The following SARDH variants were observed in gnomAD, a reference collection of about 807,000 sequenced individuals.
SARDH encodes sarcosine dehydrogenase, mitochondrial.
SARDH carries 95 observed loss-of-function variants against 109.1 expected under a neutral mutation model. That is an observed-to-expected ratio of 0.87 (90% CI 0.74 to 1.03). SARDH has a LOEUF of 1.03. SARDH is among the 50% of genes least tolerant of loss of function. The pLI, the probability that SARDH is intolerant of heterozygous loss-of-function variation, is 0.00. For synonymous variants in SARDH, 572 were observed against 534.8 expected (o/e 1.07, Z -0.96); for missense variants, 1,267 against 1,287.8 (o/e 0.98, Z 0.25).
At chr9:133,659,568 T>A (rs1832384321), downstream of SARDH, among the ~76,000 whole-genome samples, 1 of 152,188 alleles carries the variant, frequency 6.6e-6, no homozygotes, top group Non-Finnish European at 1.5e-5. Flanking sequence ...GTTCAGCCAC[T>A]TCAGCAAAAC....
intron 17 of SARDH, among the ~76,000 whole-genome samples, chr9:133,674,590 G>A (rs762010913): frequency 2.0e-5 from 3 of 152,302 alleles, no homozygotes; most frequent in Non-Finnish European, 4.4e-5. Flanking sequence ...CAAATGAACC[G>A]TCACGTATGT....
chr9:133,736,078 C>T (rs569468197), intron 1 of SARDH, among the ~76,000 whole-genome samples: 6 of 151,760 alleles, frequency 4.0e-5, no homozygotes, highest in East Asian at 3.9e-4. Flanking sequence ...AGACATGTGA[C>T]GTATGAACAA....
At position 133,671,573 on chromosome 9, in the gene SARDH, G is replaced by A; in HGVS notation, c.2288C>T (p.Ala763Val). The A allele has an allele frequency of 6.2e-7, 1 of 1,608,858 alleles. No individual in the cohort carries two copies. The highest frequency in any genetic ancestry group is 8.5e-7 in the Non-Finnish European group (1 of 1,178,374). ...AAGAKHGLIN[A>V]GYRAIDSLSI... ...CAGGGAGTCGATGGCGCGGTACCCT[G>A]CGTTGATGAGGCCGTGCTTGGCACC... The change falls in exon 18 of 21, where the codon GCA becomes GTA. Residue 763 changes from alanine (A) to valine (V), a missense_variant. Coordinates refer to ENST00000439388, the MANE Select transcript of SARDH (RefSeq NM_001134707.2).
In SARDH at chr9:133,685,826, G is replaced by A. The variant is rs977168656; in HGVS notation, c.2070-540C>T. 4.6e-5 allele frequency among the ~76,000 whole-genome samples: 7 copies of A among 152,268 alleles called. No individual in the cohort carries two copies. The Middle Eastern group carries it at 0.017, about 370-fold the overall frequency. ...GCAGAGCCGGATTGGAGCAGATTCC[G>A]GCCTCCTCCCAGCCCACTGCAGAAA... On this transcript the variant is annotated intron_variant, in intron 16 of 20. Transcript: ENST00000439388.
intron 20 of SARDH, among the ~76,000 whole-genome samples, chr9:133,665,988 G>C (rs915673345): frequency 6.6e-6 from 1 of 152,180 alleles, no homozygotes; most frequent in African/African-American, 2.4e-5. Flanking sequence ...CCAGAAAGAT[G>C]GGAAAAGGAG....
At chr9:133,726,309 A>C (rs1832487423) in intron 6 of SARDH, among the ~76,000 whole-genome samples, 2 of 150,458 alleles carry the variant, frequency 1.3e-5, no homozygotes, top group South Asian at 4.2e-4. Flanking sequence ...TCAAGGCTGC[A>C]GTGAGCTATG....
chr9:133,694,222 C>T (rs1343159157), intron 15 of SARDH, 36 bp downstream of exon 15: 1 of 1,452,592 alleles, frequency 6.9e-7, no homozygotes, highest in Admixed American at 2.0e-5. Context: ...GAGCAGGCCG[C>T]AGTCACAGCG....
At chr9:133,701,221 CA>C (rs1831472749) in intron 13 of SARDH, among the ~76,000 whole-genome samples, 1 of 152,240 alleles carries the variant, frequency 6.6e-6, no homozygotes, top group African/African-American at 2.4e-5. Context: ...GCATTTACAT[CA>C]GGGAAATTGG....
At chr9:133,678,535 C>G (rs552993908) in intron 17 of SARDH, among the ~76,000 whole-genome samples, 4 of 152,342 alleles carry the variant, frequency 2.6e-5, no homozygotes, top group African/African-American at 9.6e-5. Context: ...AGGAGCTGGC[C>G]ATAAAGATGT....
chr9:133,681,514 C>T (rs1830694219), intron 17 of SARDH, among the ~76,000 whole-genome samples: 1 of 152,178 alleles, frequency 6.6e-6, no homozygotes, highest in African/African-American at 2.4e-5. Flanking sequence ...CCTTCCTGGG[C>T]CCCAACCTCA....
At chr9:133,681,305 C>T (rs1187107751) in intron 17 of SARDH, among the ~76,000 whole-genome samples, 1 of 152,206 alleles carries the variant, frequency 6.6e-6, no homozygotes, top group Non-Finnish European at 1.5e-5. Flanking sequence ...AGCCCCCCAA[C>T]ACGGGCCACA....
intron 17 of SARDH, among the ~76,000 whole-genome samples, chr9:133,684,426 T>G (rs945451379): frequency 3.3e-5 from 5 of 152,214 alleles, no homozygotes; most frequent in African/African-American, 1.2e-4. Context: ...CAGGAAGCCC[T>G]CGGCAAACAG....
At chr9:133,662,783 T>C (rs1483118496), downstream of SARDH, among the ~76,000 whole-genome samples, 1 of 152,140 alleles carries the variant, frequency 6.6e-6, no homozygotes, top group Non-Finnish European at 1.5e-5. The surrounding 1 kb of genome is among the most constrained non-coding windows in gnomAD (Gnocchi z 5.1). Context: ...CTCCCGCTCT[T>C]CCCAGATTGC....
intron 20 of SARDH, 109 bp from the exon 21 acceptor site, chr9:133,664,123 G>T (rs1829975117): frequency 7.0e-7 from 1 of 1,429,134 alleles, no homozygotes; most frequent in African/African-American, 1.4e-5. Context: ...TGCCCTGTGG[G>T]CAAACTCATC....
At chr9:133,678,145 G>A (rs753638757) in intron 17 of SARDH, among the ~76,000 whole-genome samples, 8 of 152,162 alleles carry the variant, frequency 5.3e-5, no homozygotes, top group East Asian at 3.9e-4. Context: ...GGCAAGTGTC[G>A]GTCAGTGGGC....
At chr9:133,680,386 G>C (rs992204950) in intron 17 of SARDH, among the ~76,000 whole-genome samples, 1 of 152,220 alleles carries the variant, frequency 6.6e-6, no homozygotes. Context: ...CCTACAGGGG[G>C]AGCTGGCCGT....
intron 17 of SARDH, among the ~76,000 whole-genome samples, chr9:133,677,393 C>G (rs950408426): frequency 5.3e-5 from 8 of 152,252 alleles, no homozygotes; most frequent in African/African-American, 1.9e-4. Flanking sequence ...ATCCTGGGCC[C>G]CTGACCTCAC....
chr9:133,671,622 C>T lies in SARDH; in HGVS notation c.2239G>A (p.Val747Met), dbSNP rs1429877344. Residue 747 changes from valine (V) to methionine (M), a missense_variant, in exon 18 of 21, where the codon GTG becomes ATG. Transcript: ENST00000439388. ...LHIPKASCVP[V>M]YRAVMAAGAK... ...CCCGCGGCCATCACAGCCCGGTACA[C>T]AGGCACGCAGGACGCCTTTGGAATG... The T allele has an allele frequency of 6.2e-7, 1 of 1,601,414 alleles. No individual in the cohort carries two copies. Among genetic ancestry groups the T allele is most frequent in the African/African-American group, 1.3e-5 (1 of 74,688 alleles).
chr9:133,685,259 G>A lies in SARDH; in HGVS notation c.2097C>T (p.Asp699=), dbSNP rs139740832. Residue 699 remains aspartate (D), a synonymous_variant, in exon 17 of 21, where the codon GAC becomes GAT. Coordinates refer to ENST00000439388, the MANE Select transcript of SARDH (RefSeq NM_001134707.2). ...GGAAGGCCTCGTTGCTCAGGTCTGCGTCCAGCACCTCCTGCAAAATGGCTC... is the reference window on the plus strand; with the variant it reads ...GGAAGGCCTCGTTGCTCAGGTCTGCATCCAGCACCTCCTGCAAAATGGCTC... The part of the protein sequence containing the change: ...ASRAILQEVL[D]ADLSNEAFPF... 4.8e-5 allele frequency: 77 copies of A among 1,613,800 alleles called. No homozygotes were observed. Among genetic ancestry groups the A allele is most frequent in the South Asian group, 4.6e-4 (42 of 91,058 alleles).
Sources: allele counts gnomAD v4.1 joint callset (sites outside exome capture counted in the v4.1 genomes callset), GRCh38; gene constraint gnomAD v4.1.1; non-coding constraint Gnocchi (gnomAD v3.1); transcripts MANE v1.5; gene names NCBI Gene and HGNC (gene_info 2026-07-23, HGNC 2026-07-21).